LNP1: variants seen among roughly 807,000 people sequenced by gnomAD.
The protein encoded by LNP1 is leukemia NUP98 fusion partner 1.
In LNP1, 12 loss-of-function variants were observed where a neutral mutation model predicts 14.5. The observed-to-expected ratio is 0.83, with a 90% CI of 0.53 to 1.34. The LOEUF (loss-of-function observed/expected upper bound fraction) is 1.34, where lower values mean the gene tolerates loss of function less well. LNP1 is among the 40% of genes most tolerant of loss of function. The probability of loss-of-function intolerance (pLI) is 0.00; values close to 1 mark genes in which losing one functional copy is unlikely to be tolerated. For synonymous variants in LNP1, 75 were observed against 71.4 expected, an observed-to-expected ratio of 1.05 and a Z score of -0.26; for missense variants, 198 against 210.9, an observed-to-expected ratio of 0.94 and a Z score of 0.38.
chr3:100,402,984 GT>G (rs1706927370), intron 1 of LNP1, among the ~76,000 whole-genome samples: 1 of 152,164 alleles, frequency 6.6e-6, no homozygotes, highest in Non-Finnish European at 1.5e-5. Flanking sequence ...AAACGAATCT[GT>G]TCTGGTTACT....
At chr3:100,419,596 A>G (rs1264983679) in intron 1 of LNP1, among the ~76,000 whole-genome samples, 1 of 152,162 alleles carries the variant, frequency 6.6e-6, no homozygotes, top group African/African-American at 2.4e-5. Context: ...CTATCATCAG[A>G]AAGCTTCCTC....
intron 2 of LNP1, among the ~76,000 whole-genome samples, chr3:100,449,248 CT>C (rs35361069): frequency 0.33 from 49,202 of 147,956 alleles, 8,251 homozygotes; most frequent in Middle Eastern, 0.43. Context: ...TGCACTTAAA[CT>C]TTTTTTTTTT....
intron 2 of LNP1, among the ~76,000 whole-genome samples, chr3:100,439,820 G>A (rs1576234490): frequency 6.6e-6 from 1 of 152,132 alleles, no homozygotes; most frequent in East Asian, 1.9e-4. Context: ...TTTAGTAAAT[G>A]GACTAATATA....
chr3:100,408,331 A>G (rs180936143), intron 1 of LNP1, among the ~76,000 whole-genome samples: 70 of 152,312 alleles, frequency 4.6e-4, no homozygotes, highest in African/African-American at 1.6e-3. Flanking sequence ...AGGGAGTGCT[A>G]TGTACTCCCT....
At chr3:100,411,284 T>TA (rs1477785520) in intron 1 of LNP1, among the ~76,000 whole-genome samples, 1 of 152,234 alleles carries the variant, frequency 6.6e-6, no homozygotes, top group Non-Finnish European at 1.5e-5. Context: ...GTTTCACAGG[T>TA]TCACACCTGC....
chr3:100,414,588 G>A (rs907484476), intron 1 of LNP1, among the ~76,000 whole-genome samples: 93 of 151,846 alleles, frequency 6.1e-4, no homozygotes, highest in African/African-American at 2.2e-3. Flanking sequence ...ATGATCCTGC[G>A]TATACCTGAT....
At chr3:100,412,460 A>G (rs1417205297) in intron 1 of LNP1, among the ~76,000 whole-genome samples, 1 of 152,168 alleles carries the variant, frequency 6.6e-6, no homozygotes, top group Non-Finnish European at 1.5e-5. Context: ...TAGGATTTGC[A>G]TTTACTTAAA....
chr3:100,426,795 A>C (rs1156262363), intron 1 of LNP1, among the ~76,000 whole-genome samples: 1 of 152,176 alleles, frequency 6.6e-6, no homozygotes, highest in Non-Finnish European at 1.5e-5. Context: ...TCTAGTAGCA[A>C]CAAAAATCAA....
intron 1 of LNP1, among the ~76,000 whole-genome samples, chr3:100,407,349 T>C (rs1319664276): frequency 6.6e-6 from 1 of 152,226 alleles, no homozygotes; most frequent in African/African-American, 2.4e-5. Flanking sequence ...AATGACAGTT[T>C]TGCTGAGTAC....
intron 1 of LNP1, among the ~76,000 whole-genome samples, chr3:100,409,606 A>ATATATATAT (rs1429906485): frequency 8.0e-6 from 1 of 124,434 alleles, no homozygotes; most frequent in African/African-American, 3.2e-5. Context: ...ATATATATAT[A>ATATATATAT]TTTTTTTTTT....
chr3:100,452,643 C>G (rs1707470984), intron 3 of LNP1, among the ~76,000 whole-genome samples: 1 of 152,168 alleles, frequency 6.6e-6, no homozygotes, highest in Non-Finnish European at 1.5e-5. Context: ...AGCAAATAGT[C>G]TATGATGGTG....
At chr3:100,427,398 A>G (rs1439025357) in intron 1 of LNP1, among the ~76,000 whole-genome samples, 3 of 152,054 alleles carry the variant, frequency 2.0e-5, no homozygotes, top group South Asian at 2.1e-4. Context: ...TAATGAACCA[A>G]TTGTCCTGGG....
intron 2 of LNP1, among the ~76,000 whole-genome samples, chr3:100,439,793 C>T (rs572941878): frequency 6.6e-6 from 1 of 152,250 alleles, no homozygotes; most frequent in East Asian, 1.9e-4. Flanking sequence ...ACAGCACCTA[C>T]TACCATGACT....
intron 2 of LNP1, among the ~76,000 whole-genome samples, chr3:100,436,803 G>T (rs1336573613): frequency 3.3e-5 from 5 of 152,158 alleles, no homozygotes; most frequent in African/African-American, 9.7e-5. Flanking sequence ...GAGCCTTTGG[G>T]AGATAATTAG....
chr3:100,411,112 G>T (rs1381423014), intron 1 of LNP1, among the ~76,000 whole-genome samples: 1 of 152,150 alleles, frequency 6.6e-6, no homozygotes, highest in Non-Finnish European at 1.5e-5. Flanking sequence ...ACCCAAGAGG[G>T]TTATTCTCTA....
At chr3:100,412,430 A>G (rs1401306718) in intron 1 of LNP1, among the ~76,000 whole-genome samples, 1 of 152,230 alleles carries the variant, frequency 6.6e-6, no homozygotes. Flanking sequence ...ATATCCAAAC[A>G]GTAGCATAGA....
chr3:100,442,122 A>G (rs1008234642), intron 2 of LNP1, among the ~76,000 whole-genome samples: 1 of 152,156 alleles, frequency 6.6e-6, no homozygotes, highest in Non-Finnish European at 1.5e-5. Context: ...TTTAAAAATC[A>G]TTTTGGAGTT....
chr3:100,412,597 A>T (rs998183054), intron 1 of LNP1, among the ~76,000 whole-genome samples: 3 of 152,112 alleles, frequency 2.0e-5, no homozygotes, highest in African/African-American at 7.2e-5. Context: ...CATCTACTGG[A>T]TTATAAGTAT....
chr3:100,422,892 A>T (rs1247917761), intron 1 of LNP1, among the ~76,000 whole-genome samples: 1 of 148,342 alleles, frequency 6.7e-6, no homozygotes, highest in East Asian at 2.0e-4. Context: ...GCTTTTTAGA[A>T]TAAAAAATAA....
Sources: allele counts gnomAD v4.1 joint callset (sites outside exome capture counted in the v4.1 genomes callset), GRCh38; gene constraint gnomAD v4.1.1; transcripts MANE v1.5; gene names NCBI Gene and HGNC (gene_info 2026-07-23, HGNC 2026-07-21).